The following AZIN2 variants were observed in gnomAD, a reference collection of about 807,000 sequenced individuals.
The protein encoded by AZIN2 is antizyme inhibitor 2, also known as ODC antizyme inhibitor-2.
Under a neutral mutation model 47.8 loss-of-function variants are expected in AZIN2, and 28 were observed. The observed-to-expected ratio is 0.59, with a 90% CI of 0.43 to 0.80. The LOEUF (loss-of-function observed/expected upper bound fraction) is 0.80, where lower values mean the gene tolerates loss of function less well. AZIN2 is among the 30% of genes least tolerant of loss of function. AZIN2 has a pLI of 0.00. For missense variants in AZIN2, 535 were observed against 582.5 expected (o/e 0.92, Z 0.84); for synonymous variants, 221 against 239.4 (o/e 0.92, Z 0.71).
chr1:33,094,744 G>A (rs565542130), intron 8 of AZIN2, 31 bp downstream of exon 8: 1 of 1,611,156 alleles, frequency 6.2e-7, no homozygotes, highest in East Asian at 2.2e-5. Context: ...GTCATGCTGG[G>A]CTCTATGGCG....
At chr1:33,138,599 G>A in the AZIN2 span, among the ~76,000 whole-genome samples, 44 of 141,568 alleles carry the variant, frequency 3.1e-4, no homozygotes, top group Admixed American at 2.2e-3. Context: ...GTGACAGAGC[G>A]AGATCCTGTC....
At chr1:33,108,286 A>G (rs1220184433) in intron 10 of AZIN2, among the ~76,000 whole-genome samples, 1 of 152,150 alleles carries the variant, frequency 6.6e-6, no homozygotes, top group Non-Finnish European at 1.5e-5. Flanking sequence ...ATAGAAGAAT[A>G]AAATTGGATG....
At chr1:33,091,286 C>A (rs1026657586) in intron 5 of AZIN2, among the ~76,000 whole-genome samples, 1 of 152,184 alleles carries the variant, frequency 6.6e-6, no homozygotes, top group Admixed American at 6.5e-5. Context: ...GTCACCCAGG[C>A]TAGAGTGCAG....
Position 33,119,672 on chromosome 1 carries a change from T to C in AZIN2, c.1245-372T>C, listed in dbSNP as rs76181875. On this transcript the variant is annotated intron_variant, in intron 11 of 11. Transcript: ENST00000294517. The stretch of plus-strand genomic sequence containing the variant: ...GTTCAGTCCTAGTTCTACTACCTAC[T>C]AGGGATGTGATCTTAGGTAGGTCAC... 126 of 292,390 alleles carry C rather than the reference T, an allele frequency of 4.3e-4. No individual in the cohort carries two copies. The East Asian group carries it at 5.2e-3, about 12-fold the overall frequency. 18.1% of individuals were successfully genotyped at this position (292,390 alleles called of 1,614,324 possible).
In AZIN2 at chr1:33,122,396, T is replaced by C. The variant is rs981333938; in HGVS notation, c.*2214T>C. On this transcript the variant is annotated 3_prime_UTR_variant, in exon 12 of 12. Transcript: ENST00000294517. ...TTCCATTTGCAGCAAGGATGTGAAA[T>C]TTACTTTTCCAAGAAAGATACACGC... 6.6e-6 allele frequency among the ~76,000 whole-genome samples: 1 copy of C among 152,220 alleles called. No individual in the cohort carries two copies. Among genetic ancestry groups the C allele is most frequent in the African/African-American group, 2.4e-5 (1 of 41,442 alleles).
At chr1:33,129,829 C>T in the AZIN2 span, among the ~76,000 whole-genome samples, 3 of 152,048 alleles carry the variant, frequency 2.0e-5, no homozygotes, top group South Asian at 2.1e-4. The surrounding 1 kb of genome is among the most constrained non-coding windows in gnomAD (Gnocchi z 4.1). Context: ...AATTTCTGAG[C>T]GGGGGAGAGA....
At position 33,098,104 on chromosome 1, in the gene AZIN2, C is replaced by A. The variant is rs764904011; in HGVS notation, c.954C>A (p.His318Gln). ...CCACCTCCAAGACCATCGTGTACCA[C>A]CTTGATGAGGGCGTGTATGGGATCT... The part of the protein sequence containing the change: ...NGSTSKTIVY[H>Q]LDEGVYGIFN... Residue 318 changes from histidine to glutamine, a missense_variant, in exon 10 of 12, where the codon CAC becomes CAA. Physicochemically the swap from His to Gln is conservative, Grantham distance 24. This residue lies in a region of AZIN2 where 409 missense variants were observed against 429.0 expected (regional missense o/e 0.95). Transcript: ENST00000294517. 7 of 1,614,154 alleles carry A rather than the reference C, an allele frequency of 4.3e-6. No homozygotes were observed. Among genetic ancestry groups the A allele is most frequent in the Non-Finnish European group, 5.9e-6 (7 of 1,180,014 alleles).
chr1:33,165,439 C>T, the AZIN2 span: 10 of 1,544,590 alleles, frequency 6.5e-6, no homozygotes, highest in South Asian at 1.2e-5. This position sits in a 1 kb window ranked among gnomAD's most constrained non-coding sequence, Gnocchi z 4.0. Flanking sequence ...TCATCTCTGC[C>T]GGCCCCACCT....
At chr1:33,133,438 G>A in the AZIN2 span, among the ~76,000 whole-genome samples, 3 of 152,210 alleles carry the variant, frequency 2.0e-5, no homozygotes, top group East Asian at 1.9e-4. Context: ...CCCTGTCATC[G>A]TGGACCTTGA....
the AZIN2 span, among the ~76,000 whole-genome samples, chr1:33,135,615 C>T: frequency 6.6e-6 from 1 of 152,240 alleles, no homozygotes; most frequent in Admixed American, 6.5e-5. Context: ...CATTGCCAGC[C>T]TCCTGTCCCT....
At chr1:33,105,904 T>G (rs1476904173) in intron 10 of AZIN2, among the ~76,000 whole-genome samples, 2 of 152,194 alleles carry the variant, frequency 1.3e-5, no homozygotes, top group Non-Finnish European at 2.9e-5. Flanking sequence ...TGAAGAGAGA[T>G]TCTCCTTTTA....
the AZIN2 span, among the ~76,000 whole-genome samples, chr1:33,159,312 T>C: frequency 1.3e-5 from 2 of 152,062 alleles, no homozygotes; most frequent in African/African-American, 4.8e-5. This position sits in a 1 kb window ranked among gnomAD's most constrained non-coding sequence, Gnocchi z 4.2. Flanking sequence ...GTAAACACTA[T>C]TAAATGCTAC....
At chr1:33,159,842 C>T in the AZIN2 span, 2 of 1,613,608 alleles carry the variant, frequency 1.2e-6, no homozygotes, top group Non-Finnish European at 1.7e-6. The surrounding 1 kb of genome is among the most constrained non-coding windows in gnomAD (Gnocchi z 4.2). Context: ...CGGGCCGTGT[C>T]CGCCTCCAGC....
chr1:33,152,357 G>A, the AZIN2 span, among the ~76,000 whole-genome samples: 1 of 152,190 alleles, frequency 6.6e-6, no homozygotes, highest in African/African-American at 2.4e-5. Flanking sequence ...CCTGAGGTCC[G>A]GAGTTCGAGA....
downstream of AZIN2, among the ~76,000 whole-genome samples, chr1:33,126,749 G>A (rs1299649462): frequency 6.6e-6 from 1 of 152,158 alleles, no homozygotes; most frequent in Non-Finnish European, 1.5e-5. Flanking sequence ...CACTCAGTTA[G>A]GTGACCTTGG....
chr1:33,152,684 C>A, the AZIN2 span, among the ~76,000 whole-genome samples: 5 of 151,648 alleles, frequency 3.3e-5, no homozygotes, highest in African/African-American at 1.2e-4. Flanking sequence ...TTATTACAAA[C>A]AAATAATTTA....
chr1:33,147,883 C>T, the AZIN2 span, among the ~76,000 whole-genome samples: 1 of 152,312 alleles, frequency 6.6e-6, no homozygotes, highest in East Asian at 1.9e-4. The surrounding 1 kb of genome is among the most constrained non-coding windows in gnomAD (Gnocchi z 8.1). Flanking sequence ...TGGGCCTCAT[C>T]TTCCTCCTCT....
At chr1:33,101,590 C>T (rs1342161492) in intron 10 of AZIN2, among the ~76,000 whole-genome samples, 4 of 149,692 alleles carry the variant, frequency 2.7e-5, no homozygotes, top group African/African-American at 9.9e-5. Flanking sequence ...GAGATCTTGT[C>T]TTTGTTTTCC....
rs1487751446 is a variant in AZIN2 at position 33,082,071 on chromosome 1, G to T, written c.-72-107G>T. 8 of 624,106 alleles carry T rather than the reference G, an allele frequency of 1.3e-5. No homozygotes were observed. The Admixed American group carries it at 1.9e-4, about 15-fold the overall frequency. 38.7% of individuals were successfully genotyped at this position (624,106 alleles called of 1,614,324 possible). On this transcript the variant is annotated intron_variant, in intron 3 of 11. Coordinates refer to ENST00000294517, the MANE Select transcript of AZIN2 (RefSeq NM_052998.4). ...CCCTTGCCCAGTGAACCCCGGGCTT[G>T]TGCTGGGGGCGGGTTGTGACGGGAT...
Sources: allele counts gnomAD v4.1 joint callset (sites outside exome capture counted in the v4.1 genomes callset), GRCh38; gene constraint gnomAD v4.1.1; regional missense constraint gnomAD v4.1.1; non-coding constraint Gnocchi (gnomAD v3.1); transcripts MANE v1.5; gene names NCBI Gene and HGNC (gene_info 2026-07-23, HGNC 2026-07-21).